The following AGPAT3 variants were observed in gnomAD, a reference collection of about 807,000 sequenced individuals.
The protein encoded by AGPAT3 is 1-acyl-sn-glycerol-3-phosphate acyltransferase gamma.
Under a neutral mutation model 47.3 loss-of-function variants are expected in AGPAT3, and 5 were observed. The observed-to-expected ratio is 0.11, with a 90% confidence interval of 0.06 to 0.22. The LOEUF (loss-of-function observed/expected upper bound fraction) is 0.22, where lower values mean the gene tolerates loss of function less well. Among genes scored for constraint, AGPAT3 ranks in the 10% least tolerant of loss-of-function variants. AGPAT3 has a pLI of 1.00. For synonymous variants in AGPAT3, 212 were observed against 208.3 expected, an observed-to-expected ratio of 1.02 and a Z score of -0.15; for missense variants, 315 against 493.0, an observed-to-expected ratio of 0.64 and a Z score of 3.42.
At chr21:43,904,264 C>A (rs1041450361) in intron 2 of AGPAT3, among the ~76,000 whole-genome samples, 2 of 152,206 alleles carry the variant, frequency 1.3e-5, no homozygotes, top group Non-Finnish European at 2.9e-5. Flanking sequence ...TAACTTTGTT[C>A]TCTTCCTGCG....
intron 2 of AGPAT3, among the ~76,000 whole-genome samples, chr21:43,931,021 C>T (rs907425957): frequency 3.3e-5 from 5 of 151,988 alleles, no homozygotes; most frequent in East Asian, 3.9e-4. Flanking sequence ...AGGGACTCAG[C>T]GTGGGGCCCT....
At chr21:43,916,438 T>C (rs773330034) in intron 2 of AGPAT3, 4 of 152,198 alleles carry the variant, frequency 2.6e-5, no homozygotes, top group Non-Finnish European at 4.4e-5. Flanking sequence ...ACATATCGAA[T>C]GACTATATCT....
At chr21:43,868,411 T>TC (rs1250369862) in intron 1 of AGPAT3, among the ~76,000 whole-genome samples, 1 of 152,048 alleles carries the variant, frequency 6.6e-6, no homozygotes, top group Non-Finnish European at 1.5e-5. Flanking sequence ...CACTTAAGAC[T>TC]CAAAGTGGAG....
intron 1 of AGPAT3, among the ~76,000 whole-genome samples, chr21:43,899,953 C>T (rs77812173): frequency 1.9e-4 from 29 of 152,270 alleles, no homozygotes; most frequent in Non-Finnish European, 3.1e-4. Flanking sequence ...TTTGGAGCAC[C>T]GCCTTCTTTT....
At chr21:43,943,878 CAG>C (rs936698778) in intron 2 of AGPAT3, among the ~76,000 whole-genome samples, 1 of 152,212 alleles carries the variant, frequency 6.6e-6, no homozygotes, top group Non-Finnish European at 1.5e-5. Flanking sequence ...GAGAGGGAGA[CAG>C]GGAGGGAACG....
At chr21:43,877,543 A>G (rs1207350374) in intron 1 of AGPAT3, among the ~76,000 whole-genome samples, 3 of 152,004 alleles carry the variant, frequency 2.0e-5, no homozygotes, top group African/African-American at 7.3e-5. Flanking sequence ...CCCGGGTTCA[A>G]GTGATTCTCC....
In AGPAT3 at chr21:43,881,816, C is replaced by T. The variant is rs148471073; in HGVS notation, c.-112+16471C>T. 4.1e-3 allele frequency among the ~76,000 whole-genome samples: 622 copies of T among 152,204 alleles called. 3 individuals are homozygous for T. Among genetic ancestry groups the T allele is most frequent in the African/African-American group, 0.013 (530 of 41,534 alleles). ...GATTACAGGTGCATGCCACCACGCC[C>T]GGCTAATTTTTGTATTTTTAATAGA... is the stretch of plus-strand genomic sequence containing the variant. On this transcript the variant is annotated intron_variant, in intron 1 of 9. Transcript: ENST00000291572.
chr21:43,941,503 C>T (rs575623776), intron 2 of AGPAT3, among the ~76,000 whole-genome samples: 1 of 152,330 alleles, frequency 6.6e-6, no homozygotes, highest in East Asian at 1.9e-4. Flanking sequence ...GCTGTGATTA[C>T]GCCACTGCAC....
At position 43,934,033 on chromosome 21, in the gene AGPAT3, C is replaced by T. The variant is rs140375941; in HGVS notation, c.-48-25601C>T. ...CTCAGTCATGGCCAGCTGCCGAATGCCGTACCAGGGCAGGGGCAGTGGAGC... is the reference window on the plus strand; with the variant it reads ...CTCAGTCATGGCCAGCTGCCGAATGTCGTACCAGGGCAGGGGCAGTGGAGC... On this transcript the variant is annotated intron_variant, in intron 2 of 9. Transcript: ENST00000291572. This position sits in a 1 kb window ranked among gnomAD's most constrained non-coding sequence, Gnocchi z 4.7. Among the ~76,000 whole-genome samples the T allele has an allele frequency of 6.6e-6, 1 of 152,218 alleles. No homozygotes were observed. The highest frequency in any genetic ancestry group is 1.5e-5 in the Non-Finnish European group (1 of 68,038).
Position 43,934,462 on chromosome 21 carries a change from A to G in AGPAT3, c.-48-25172A>G, listed in dbSNP as rs1189996012. 6.6e-6 allele frequency among the ~76,000 whole-genome samples: 1 copy of G among 152,264 alleles called. No individual in the cohort carries two copies. The highest frequency in any genetic ancestry group is 2.4e-5 in the African/African-American group (1 of 41,478). ...GCGCAACCTCGTTGGTAGAGTCAGG[A>G]GGCTGGGCCTCCACTAGGATGTTAT... On this transcript the variant is annotated intron_variant, in intron 2 of 9. Transcript: ENST00000291572. The surrounding 1 kb of genome is among the most constrained non-coding windows in gnomAD (Gnocchi z 4.7).
Position 43,987,457 on chromosome 21 carries a change from A to G in AGPAT3, c.*5065A>G, listed in dbSNP as rs1218076572. Among the ~76,000 whole-genome samples, 3 of 152,240 alleles carry G rather than the reference A, an allele frequency of 2.0e-5. No homozygotes were observed. The highest frequency in any genetic ancestry group is 4.8e-5 in the African/African-American group (2 of 41,466). ...AGGGTTTTAAAAGCGATCAAGGACA[A>G]AAGGTTTTCCTAAGTGGCATGTATA... is the stretch of plus-strand genomic sequence containing the variant. On this transcript the variant is annotated 3_prime_UTR_variant, in exon 10 of 10. Transcript: ENST00000291572.
rs1009903437 is a variant in AGPAT3, at chr21:43,944,959, C to T, written c.-48-14675C>T. Among the ~76,000 whole-genome samples the T allele has an allele frequency of 9.8e-5, 15 of 152,346 alleles. No homozygotes were observed. The East Asian group carries it at 2.1e-3, about 22-fold the overall frequency. ...GGAGACATCATCACTGACTCAGCTC[C>T]GGCAGGCAAGGGTCCCTCGGGGTCT... On this transcript the variant is annotated intron_variant, in intron 2 of 9. Transcript: ENST00000291572.
chr21:43,912,898 G>C (rs754514183), intron 2 of AGPAT3, among the ~76,000 whole-genome samples: 58 of 152,232 alleles, frequency 3.8e-4, no homozygotes, highest in Non-Finnish European at 6.9e-4. Flanking sequence ...GGTTGCTGCG[G>C]TGCCTCCGGT....
intron 1 of AGPAT3, among the ~76,000 whole-genome samples, chr21:43,903,256 G>A (rs1007204929): frequency 6.6e-6 from 1 of 152,204 alleles, no homozygotes; most frequent in Non-Finnish European, 1.5e-5. Context: ...GGGCTAGCGG[G>A]GATGGGGAGT....
intron 2 of AGPAT3, among the ~76,000 whole-genome samples, chr21:43,940,924 G>T (rs566365279): frequency 6.6e-6 from 1 of 152,230 alleles, no homozygotes; most frequent in Non-Finnish European, 1.5e-5. Context: ...TCCCAACCCC[G>T]CTGTGTCTCC....
chr21:43,919,406 C>T (rs1488932379), intron 2 of AGPAT3, among the ~76,000 whole-genome samples: 1 of 152,086 alleles, frequency 6.6e-6, no homozygotes, highest in African/African-American at 2.4e-5. Context: ...TTTGGTTTTC[C>T]GTTCCTGAGT....
chr21:43,904,741 G>A (rs939936129), intron 2 of AGPAT3, among the ~76,000 whole-genome samples: 3 of 152,118 alleles, frequency 2.0e-5, no homozygotes, highest in Non-Finnish European at 2.9e-5. Flanking sequence ...TCCCAGGCCC[G>A]CTGCTGTGGC....
chr21:43,942,106 G>A (rs1443046064), intron 2 of AGPAT3, among the ~76,000 whole-genome samples: 3 of 152,250 alleles, frequency 2.0e-5, no homozygotes, highest in Non-Finnish European at 4.4e-5. Flanking sequence ...GGTGGCCTGC[G>A]CCGTGGCAGC....
rs553339831 is a variant in AGPAT3 at position 43,980,540 on chromosome 21, C to T, written c.844-449C>T. Among the ~76,000 whole-genome samples, 11 of 152,338 alleles carry T rather than the reference C, an allele frequency of 7.2e-5. No individual in the cohort carries two copies. The South Asian group carries it at 1.7e-3, about 23-fold the overall frequency. ...TGCCAGGCTAGGAAACCGAGGTATG[C>T]GAGGTTAAGGAACTTTCCTTGGGCC... On this transcript the variant is annotated intron_variant, in intron 8 of 9. Transcript: ENST00000291572.
Sources: gnomAD v4.1 joint callset for allele counts (sites outside exome capture counted in the v4.1 genomes callset) on GRCh38, gnomAD v4.1.1 for gene constraint, Gnocchi (gnomAD v3.1) non-coding constraint, MANE v1.5 for transcripts, NCBI Gene and HGNC (gene_info 2026-07-23, HGNC 2026-07-21) for gene names.